The following APC variants were observed in gnomAD, a reference collection of about 807,000 sequenced individuals.
The protein encoded by APC is adenomatous polyposis coli protein.
APC carries 72 observed loss-of-function variants against 247.0 expected under a neutral mutation model. That is an observed-to-expected ratio of 0.29 (90% CI 0.24 to 0.35). The LOEUF (loss-of-function observed/expected upper bound fraction) is 0.35. Ranked by LOEUF, APC falls within the 10% of genes least tolerant of loss-of-function variation. APC has a pLI of 1.00. For synonymous variants in APC, 1,254 were observed against 1,162.5 expected, an observed-to-expected ratio of 1.08 and a Z score of -1.60; for missense variants, 3,400 against 3,360.7, an observed-to-expected ratio of 1.01 and a Z score of -0.29.
chr5:112,713,219 G>A (rs1203050626), intron 1 of APC, among the ~76,000 whole-genome samples: 1 of 151,634 alleles, frequency 6.6e-6, no homozygotes, highest in African/African-American at 2.4e-5. Context: ...CAGAAATGGA[G>A]TATTCCATGG....
Position 112,777,258 on chromosome 5 carries a change from C to T in APC, c.531+1521C>T, listed in dbSNP as rs577550687. On this transcript the variant is annotated intron_variant, in intron 5 of 15. Coordinates refer to ENST00000257430, the MANE Select transcript of APC (RefSeq NM_000038.6). ...TAAAAAAGGAAAACATTTACGTGTG[C>T]ATTTTCTTTATACACACACACACAC... 5.3e-5 allele frequency among the ~76,000 whole-genome samples: 8 copies of T among 151,824 alleles called. No individual in the cohort carries two copies. The South Asian group carries it at 1.7e-3, about 32-fold the overall frequency.
In APC at chr5:112,835,022, T is replaced by C. The variant is rs1239983557; in HGVS notation, c.1815T>C (p.Asp605=). The change falls in exon 15 of 16, where the codon GAT becomes GAC. Residue 605 remains aspartate, a synonymous_variant. Coordinates refer to ENST00000257430, the MANE Select transcript of APC (RefSeq NM_000038.6). ...LSAHCTENKA[D]ICAVDGALAF... is the part of the protein sequence containing the mutation. ...CACATTGCACTGAGAATAAAGCTGA[T>C]ATATGTGCTGTAGATGGTGCACTTG... is the stretch of plus-strand genomic sequence containing the variant. The C allele has an allele frequency of 1.9e-6, 3 of 1,614,052 alleles. No homozygotes were observed. The African/African-American group carries it at 4.0e-5, about 22-fold the overall frequency.
rs555221954 is a variant in APC, at chr5:112,845,476, C to T, written c.*1350C>T. ...GTTGCAACTGGGTCTGACATGAACACTTTTTATCACCCTGTATGTTAGGGC... is the reference window on the plus strand; with the variant it reads ...GTTGCAACTGGGTCTGACATGAACATTTTTTATCACCCTGTATGTTAGGGC... On this transcript the variant is annotated 3_prime_UTR_variant, in exon 16 of 16. Coordinates refer to ENST00000257430, the MANE Select transcript of APC (RefSeq NM_000038.6). 2 of 233,182 alleles carry T rather than the reference C, an allele frequency of 8.6e-6. No homozygotes were observed. The highest frequency in any genetic ancestry group is 3.6e-4 in the South Asian group (2 of 5,532). The allele number at this position is 233,182 out of a possible 1,614,324, so 14.4% of individuals were successfully genotyped here.
chr5:112,762,032 A>G (rs1166385931), intron 2 of APC, among the ~76,000 whole-genome samples: 1 of 152,230 alleles, frequency 6.6e-6, no homozygotes, highest in Non-Finnish European at 1.5e-5. Flanking sequence ...TTCAGAATAT[A>G]TAAATCCCAC....
intron 2 of APC, among the ~76,000 whole-genome samples, chr5:112,759,303 A>G (rs1296280386): frequency 6.6e-6 from 1 of 151,614 alleles, no homozygotes; most frequent in Non-Finnish European, 1.5e-5. Flanking sequence ...TATCACTGGT[A>G]TAACCACAGC....
At chr5:112,748,681 T>TAA (rs1381020430) in intron 1 of APC, among the ~76,000 whole-genome samples, 1 of 151,936 alleles carries the variant, frequency 6.6e-6, no homozygotes, top group Non-Finnish European at 1.5e-5. Flanking sequence ...GGCCAACAGG[T>TAA]AAAACCCCAT....
intron 10 of APC, among the ~76,000 whole-genome samples, chr5:112,821,258 C>T (rs1364648286): frequency 6.6e-6 from 1 of 152,054 alleles, no homozygotes; most frequent in African/African-American, 2.4e-5. Flanking sequence ...ATAATTCTAG[C>T]ACTATGGGAG....
chr5:112,818,858 G>GGTTTGTTTTTT, intron 9 of APC, 108 bp from the exon 10 acceptor site: 1 of 995,208 alleles, frequency 1.0e-6, no homozygotes, highest in Non-Finnish European at 1.5e-6. Flanking sequence ...GGGGGGGGTT[G>GGTTTGTTTTTT]TTTTGTTTTT....
At chr5:112,726,340 G>A (rs1180075646) in intron 1 of APC, among the ~76,000 whole-genome samples, 1 of 152,198 alleles carries the variant, frequency 6.6e-6, no homozygotes, top group Non-Finnish European at 1.5e-5. Context: ...AGATGGATGG[G>A]GAGCTGGAAG....
intron 1 of APC, among the ~76,000 whole-genome samples, chr5:112,715,925 T>C (rs977596870): frequency 5.3e-5 from 8 of 152,214 alleles, no homozygotes; most frequent in Non-Finnish European, 1.0e-4. Flanking sequence ...TGAAATTGTT[T>C]ATAATAAATA....
At chr5:112,799,460 C>G (rs539596594) in intron 7 of APC, among the ~76,000 whole-genome samples, 13 of 152,238 alleles carry the variant, frequency 8.5e-5, no homozygotes, top group South Asian at 2.1e-4. Context: ...GTCTCCACTT[C>G]TTTTATCTCT....
intron 1 of APC, among the ~76,000 whole-genome samples, chr5:112,746,236 T>TA (rs1190759231): frequency 6.6e-6 from 1 of 152,016 alleles, no homozygotes; most frequent in Non-Finnish European, 1.5e-5. Flanking sequence ...TAAAATACTT[T>TA]AAAAAAATCT....
intron 2 of APC, 190 bp downstream of exon 2, chr5:112,755,215 A>G (rs1203404644): frequency 2.3e-6 from 1 of 436,440 alleles, no homozygotes; most frequent in Non-Finnish European, 3.0e-6. Flanking sequence ...TGAATCATAT[A>G]AAGAAAATAA....
intron 8 of APC, among the ~76,000 whole-genome samples, chr5:112,812,362 A>G (rs1762071062): frequency 6.6e-6 from 1 of 152,174 alleles, no homozygotes; most frequent in Non-Finnish European, 1.5e-5. Context: ...TGAATTTACT[A>G]AAAAAGCCCC....
At chr5:112,724,936 C>T (rs1455297771) in intron 1 of APC, among the ~76,000 whole-genome samples, 2 of 152,060 alleles carry the variant, frequency 1.3e-5, no homozygotes, top group East Asian at 3.9e-4. Flanking sequence ...GTAGAAAATA[C>T]TAATCTTGAA....
chr5:112,814,576 C>G (rs866519606), intron 8 of APC, among the ~76,000 whole-genome samples: 7 of 152,148 alleles, frequency 4.6e-5, no homozygotes, highest in Admixed American at 1.3e-4. Context: ...CCCCACTTCT[C>G]TATTCTCACT....
intron 8 of APC, among the ~76,000 whole-genome samples, chr5:112,814,910 T>C (rs1310989287): frequency 1.3e-5 from 2 of 152,254 alleles, no homozygotes; most frequent in African/African-American, 4.8e-5. Flanking sequence ...TAAATGTTAC[T>C]GATTTTATAC....
chr5:112,715,341 C>T (rs1751104339), intron 1 of APC, among the ~76,000 whole-genome samples: 1 of 152,272 alleles, frequency 6.6e-6, no homozygotes, highest in Non-Finnish European at 1.5e-5. Flanking sequence ...CACATACACA[C>T]ACACAAATAA....
At chr5:112,717,084 C>G (rs1412265972) in intron 1 of APC, among the ~76,000 whole-genome samples, 1 of 152,094 alleles carries the variant, frequency 6.6e-6, no homozygotes, top group Non-Finnish European at 1.5e-5. Context: ...GATCTTGGCT[C>G]ACTGCAACCT....
Sources: allele counts gnomAD v4.1 joint callset (sites outside exome capture counted in the v4.1 genomes callset), GRCh38; gene constraint gnomAD v4.1.1; transcripts MANE v1.5; gene names NCBI Gene and HGNC (gene_info 2026-07-23, HGNC 2026-07-21).